SLC26A11: variants seen among roughly 807,000 people sequenced by gnomAD.
SLC26A11 encodes the protein sodium-independent sulfate anion transporter.
In SLC26A11, 58 loss-of-function variants were observed where a neutral mutation model predicts 62.2. The ratio of observed to expected loss-of-function variants is 0.93; its 90% CI spans 0.76 to 1.16. SLC26A11 has a LOEUF of 1.16. SLC26A11 is among the 50% of genes most tolerant of loss of function. The pLI, the probability that SLC26A11 is intolerant of heterozygous loss-of-function variation, is 0.00. For synonymous variants in SLC26A11, 411 were observed against 368.9 expected (o/e 1.11, Z -1.31); for missense variants, 790 against 794.3 (o/e 0.99, Z 0.06).
At chr17:80,247,055 C>CTTT (rs527441968) in intron 13 of SLC26A11, among the ~76,000 whole-genome samples, 13 of 145,806 alleles carry the variant, frequency 8.9e-5, no homozygotes, top group African/African-American at 3.0e-4. Flanking sequence ...ATGGCAGTTC[C>CTTT]TTTTTTTTTT....
chr17:80,237,768 C>G (rs943527255), intron 9 of SLC26A11, among the ~76,000 whole-genome samples, 174 bp downstream of exon 9: 2 of 152,246 alleles, frequency 1.3e-5, no homozygotes, highest in Non-Finnish European at 2.9e-5. Context: ...AAAACTGGAT[C>G]TATAATGAGG....
chr17:80,236,516 C>T (rs535575113), intron 7 of SLC26A11, among the ~76,000 whole-genome samples: 3 of 152,356 alleles, frequency 2.0e-5, no homozygotes, highest in Admixed American at 1.3e-4. Flanking sequence ...TGCTGTCCCG[C>T]GTCTTAGTGG....
chr17:80,223,138 CG>C lies in SLC26A11; in HGVS notation c.428-112del. ...GTGTGTTACCCCCAGTCCTTAGCTGCGGTATCTGCTCCCCAATCCCACCCAT... is the reference window on the plus strand; with the variant it reads ...GTGTGTTACCCCCAGTCCTTAGCTGCGTATCTGCTCCCCAATCCCACCCAT... On this transcript the variant is annotated intron_variant, in intron 4 of 17. Coordinates refer to ENST00000361193, the MANE Select transcript of SLC26A11 (RefSeq NM_001166347.2). The surrounding 1 kb of genome is among the most constrained non-coding windows in gnomAD (Gnocchi z 4.6). 1 of 966,554 alleles carries C rather than the reference CG, an allele frequency of 1.0e-6. No homozygotes were observed. The allele number at this position is 966,554 out of a possible 1,614,324, so 59.9% of individuals were successfully genotyped here.
rs1014999998 is a variant in SLC26A11, at chr17:80,236,871, C to A, written c.737-57C>A. On this transcript the variant is annotated intron_variant, in intron 7 of 17. Coordinates refer to ENST00000361193, the MANE Select transcript of SLC26A11 (RefSeq NM_001166347.2). ...TGCCCCAGTAACCTGGAGGCAGCCG[C>A]GCTACCCCACACTCGCCGGGAGCAG... The A allele has an allele frequency of 5.8e-6, 9 of 1,556,044 alleles. No individual in the cohort carries two copies. In the African/African-American group the frequency reaches 9.5e-5, roughly 16 times the overall value.
chr17:80,233,558 G>C (rs2042613976), intron 7 of SLC26A11, among the ~76,000 whole-genome samples: 1 of 148,434 alleles, frequency 6.7e-6, no homozygotes, highest in African/African-American at 2.5e-5. Flanking sequence ...TCTGTTGCAG[G>C]CCTGTTGGTG....
chr17:80,246,145 G>A lies in SLC26A11; in HGVS notation c.1098-9G>A. Reference sequence around the variant, plus strand: ...CCTGGTGACTGACGGTCTCTGTGTTGCCTTCCAGGACAGCCGTGAACGCTC... The same window carrying A: ...CCTGGTGACTGACGGTCTCTGTGTTACCTTCCAGGACAGCCGTGAACGCTC... On this transcript the variant is annotated splice_polypyrimidine_tract_variant and intron_variant, in intron 11 of 17. Transcript: ENST00000361193. This position sits in a 1 kb window ranked among gnomAD's most constrained non-coding sequence, Gnocchi z 4.4. 3.7e-6 allele frequency: 6 copies of A among 1,613,232 alleles called. No individual in the cohort carries two copies. The highest frequency in any genetic ancestry group is 5.1e-6 in the Non-Finnish European group (6 of 1,180,008).
intron 1 of SLC26A11, 21 bp downstream of exon 1, chr17:80,220,517 G>T (rs2042117812): frequency 2.2e-6 from 1 of 458,732 alleles, no homozygotes; most frequent in Non-Finnish European, 3.7e-6. Flanking sequence ...GGCCCGCGAG[G>T]GCGGCGAGCG....
At chr17:80,224,424 A>G (rs12950018) in intron 5 of SLC26A11, among the ~76,000 whole-genome samples, 68 of 120,270 alleles carry the variant, frequency 5.7e-4, no homozygotes, top group African/African-American at 1.9e-3. Context: ...TGAGTGAGTG[A>G]GAGTGGGTGT....
intron 11 of SLC26A11, chr17:80,245,473 T>C (rs1317849548): frequency 3.6e-6 from 2 of 559,370 alleles, no homozygotes; most frequent in East Asian, 3.1e-5. Flanking sequence ...AAAGTTCCAC[T>C]GGGCATTGTG....
intron 1 of SLC26A11, among the ~76,000 whole-genome samples, 156 bp downstream of exon 1, chr17:80,220,652 C>G (rs988686974): frequency 3.3e-5 from 5 of 152,100 alleles, no homozygotes; most frequent in African/African-American, 9.7e-5. Flanking sequence ...GCGTCCCTAC[C>G]CGGGTCCCCG....
At chr17:80,242,562 G>A (rs1341551231) in intron 10 of SLC26A11, among the ~76,000 whole-genome samples, 1 of 152,212 alleles carries the variant, frequency 6.6e-6, no homozygotes, top group African/African-American at 2.4e-5. Context: ...CTCCCTCCAG[G>A]CAGGGGCAGG....
rs559028469 is a variant in SLC26A11, at chr17:80,222,467, C to A, written c.235-188C>A. 33 of 601,050 alleles carry A rather than the reference C, an allele frequency of 5.5e-5. No homozygotes were observed. In the South Asian group the frequency reaches 6.9e-4, roughly 13 times the overall value. The allele number at this position is 601,050 out of a possible 1,614,324, so 37.2% of individuals were successfully genotyped here. A position where few individuals can be genotyped will look rare whatever the true frequency, so the allele number is the denominator to read the frequency against. On this transcript the variant is annotated intron_variant, in intron 3 of 17. Coordinates refer to ENST00000361193, the MANE Select transcript of SLC26A11 (RefSeq NM_001166347.2). This position sits in a 1 kb window ranked among gnomAD's most constrained non-coding sequence, Gnocchi z 4.7. The stretch of plus-strand genomic sequence containing the variant: ...GCCTGGCTGTCTGCACCCTGAGGCC[C>A]CAGTTGAGTGCTGCTAAAAAAGTGG...
rs752477881 is a variant in SLC26A11, at chr17:80,222,668, C to T, written c.248C>T (p.Ser83Phe). ...CTCTCCCCACAGTATGGCCTCTACT[C>T]TGCCTTCATGGGCTGCTTCGTGTAT... ...AGLPPQYGLY[S>F]AFMGCFVYFF... The change falls in exon 4 of 18, where the codon TCT (serine) becomes TTT (phenylalanine). Residue 83 changes from serine to phenylalanine, a missense_variant. Transcript: ENST00000361193. The surrounding 1 kb of genome is among the most constrained non-coding windows in gnomAD (Gnocchi z 4.7). 5 of 1,614,030 alleles carry T rather than the reference C, an allele frequency of 3.1e-6. No homozygotes were observed. Among genetic ancestry groups the T allele is most frequent in the Non-Finnish European group, 4.2e-6 (5 of 1,180,026 alleles).
intron 7 of SLC26A11, among the ~76,000 whole-genome samples, chr17:80,230,132 T>C (rs1377993976): frequency 1.3e-5 from 2 of 148,316 alleles, no homozygotes; most frequent in African/African-American, 5.0e-5. Context: ...GAGGCGGAGG[T>C]TATAGTGAGC....
chr17:80,244,030 G>C (rs1438575289), intron 10 of SLC26A11, among the ~76,000 whole-genome samples: 2 of 152,198 alleles, frequency 1.3e-5, no homozygotes, highest in Non-Finnish European at 2.9e-5. Flanking sequence ...CCTTGCCCTA[G>C]CCCATCTCTC....
rs531057270 is a variant in SLC26A11, at chr17:80,221,558, G to C, written c.-3G>C. The C allele has an allele frequency of 2.5e-6, 4 of 1,587,898 alleles. No individual in the cohort carries two copies. In the South Asian group the frequency reaches 3.4e-5, roughly 13 times the overall value. On this transcript the variant is annotated 5_prime_UTR_variant, in exon 3 of 18. Coordinates refer to ENST00000361193, the MANE Select transcript of SLC26A11 (RefSeq NM_001166347.2). ...ACCTGCACCCCCCAGCCCCACCGTA[G>C]AGATGCCTTCTTCGGTGACGGCGCT...
intron 9 of SLC26A11, among the ~76,000 whole-genome samples, chr17:80,237,975 G>A (rs1348768699): frequency 1.3e-5 from 2 of 152,214 alleles, no homozygotes; most frequent in Non-Finnish European, 2.9e-5. Flanking sequence ...CATATTCTAT[G>A]GTGTCTCCAC....
At chr17:80,249,404 G>T in intron 16 of SLC26A11, 117 bp downstream of exon 16, 2 of 1,349,064 alleles carry the variant, frequency 1.5e-6, no homozygotes, top group East Asian at 2.5e-5. Flanking sequence ...CCTTCGGCCG[G>T]TGCTGGCTCT....
intron 5 of SLC26A11, among the ~76,000 whole-genome samples, chr17:80,224,314 A>T (rs71368063): frequency 0.27 from 39,869 of 145,754 alleles, 5,681 homozygotes; most frequent in Admixed American, 0.44. Flanking sequence ...TGTGTGAGAG[A>T]GTGTGAGTGT....
Sources: allele counts gnomAD v4.1 joint callset (sites outside exome capture counted in the v4.1 genomes callset), GRCh38; gene constraint gnomAD v4.1.1; non-coding constraint Gnocchi (gnomAD v3.1); transcripts MANE v1.5; gene names NCBI Gene and HGNC (gene_info 2026-07-23, HGNC 2026-07-21).